Variants in GPM6A observed in about 807,000 individuals in gnomAD.
The protein encoded by GPM6A is neuronal membrane glycoprotein M6-a.
Under a neutral mutation model 32.1 loss-of-function variants are expected in GPM6A, and 7 were observed. The observed-to-expected ratio is 0.22, with a 90% CI of 0.12 to 0.41. The LOEUF is 0.41. Among genes scored for constraint, GPM6A ranks in the 10% least tolerant of loss-of-function variants. The probability of loss-of-function intolerance (pLI) is 1.00; values close to 1 mark genes in which losing one functional copy is unlikely to be tolerated. For missense variants in GPM6A, 235 were observed against 347.2 expected (o/e 0.68, Z 2.57); for synonymous variants, 130 against 123.4 (o/e 1.05, Z -0.35).
intron 3 of GPM6A, among the ~76,000 whole-genome samples, chr4:175,668,163 C>A (rs898220210): frequency 6.6e-6 from 1 of 151,870 alleles, no homozygotes; most frequent in Admixed American, 6.6e-5. Context: ...TTATTTATTT[C>A]TTCCTACAAT....
chr4:175,779,204 C>A (rs77527707), intron 1 of GPM6A, among the ~76,000 whole-genome samples: 3,071 of 152,244 alleles, frequency 0.02, 56 homozygotes, highest in Non-Finnish European at 0.031. Flanking sequence ...CACCATAGTG[C>A]CTGTTTAAAT....
chr4:175,734,185 C>T (rs1184015510), intron 1 of GPM6A, among the ~76,000 whole-genome samples: 1 of 149,622 alleles, frequency 6.7e-6, no homozygotes, highest in African/African-American at 2.5e-5. Context: ...CATCTGATTG[C>T]CAGTGCTGCT....
intron 1 of GPM6A, among the ~76,000 whole-genome samples, chr4:175,981,642 A>G (rs58869179): frequency 0.24 from 36,488 of 152,124 alleles, 6,248 homozygotes; most frequent in African/African-American, 0.49. Context: ...TGAAGGTCAC[A>G]GATTATTCCC....
At chr4:175,992,985 G>A (rs1434994441) in intron 1 of GPM6A, among the ~76,000 whole-genome samples, 1 of 152,084 alleles carries the variant, frequency 6.6e-6, no homozygotes, top group Non-Finnish European at 1.5e-5. Context: ...CTTGCTGAGG[G>A]ATTCTGCTAT....
chr4:175,666,723 A>G (rs989243470), intron 3 of GPM6A, among the ~76,000 whole-genome samples: 11 of 152,206 alleles, frequency 7.2e-5, no homozygotes, highest in Admixed American at 6.5e-4. Context: ...TTTTACAACC[A>G]TATTTTCCTT....
At chr4:175,845,163 T>C (rs1736051053) in intron 1 of GPM6A, among the ~76,000 whole-genome samples, 1 of 152,166 alleles carries the variant, frequency 6.6e-6, no homozygotes, top group Non-Finnish European at 1.5e-5. Context: ...TTTTATTAGT[T>C]AATTACAAAA....
chr4:175,653,440 G>T (rs1334618663), intron 3 of GPM6A, among the ~76,000 whole-genome samples: 1 of 151,958 alleles, frequency 6.6e-6, no homozygotes, highest in African/African-American at 2.4e-5. Context: ...AATAGTTGGG[G>T]TCAACATCTG....
chr4:175,710,235 T>G (rs929079548), intron 1 of GPM6A, among the ~76,000 whole-genome samples: 2 of 152,092 alleles, frequency 1.3e-5, no homozygotes, highest in African/African-American at 2.4e-5. Context: ...TTTGGGTAAA[T>G]TTTCCTATAT....
rs1408243788 is a variant in GPM6A, at chr4:175,780,332, G to A, written c.37+31859C>T. Among the ~76,000 whole-genome samples the A allele has an allele frequency of 2.0e-5, 3 of 152,148 alleles. No individual in the cohort carries two copies. The South Asian group carries it at 6.2e-4, about 32-fold the overall frequency. Reference sequence around the variant, plus strand: ...CAAAGTGCTGGGATTACAGGCATGAGCCACTATGCCAGGCCCAGGCATCAA... The same window carrying A: ...CAAAGTGCTGGGATTACAGGCATGAACCACTATGCCAGGCCCAGGCATCAA... On this transcript the variant is annotated intron_variant, in intron 1 of 6. Coordinates refer to ENST00000393658, the MANE Select transcript of GPM6A (RefSeq NM_201591.3).
chr4:175,991,357 T>C (rs1026546491), intron 1 of GPM6A, among the ~76,000 whole-genome samples: 2 of 151,808 alleles, frequency 1.3e-5, no homozygotes, highest in Non-Finnish European at 2.9e-5. Context: ...ATTACAGGCA[T>C]AGCCACTGCG....
At chr4:175,820,503 T>TTTC (rs1553992478) in intron 1 of GPM6A, among the ~76,000 whole-genome samples, 2 of 141,284 alleles carry the variant, frequency 1.4e-5, no homozygotes, top group Non-Finnish European at 3.1e-5. Context: ...TTTCTTTCTT[T>TTTC]TTTTTTTTTT....
chr4:175,692,219 T>C (rs1353808022), intron 2 of GPM6A, among the ~76,000 whole-genome samples: 3 of 152,156 alleles, frequency 2.0e-5, no homozygotes, highest in African/African-American at 7.2e-5. Flanking sequence ...TTATGTAATA[T>C]TTGTTCTCAG....
At chr4:175,907,346 T>C (rs1160557743) in intron 1 of GPM6A, 2 of 152,160 alleles carry the variant, frequency 1.3e-5, no homozygotes, top group Admixed American at 6.6e-5. Flanking sequence ...ACTCTCCTTG[T>C]CTCTCATTAA....
At chr4:175,655,802 AT>A (rs1413955678) in intron 3 of GPM6A, among the ~76,000 whole-genome samples, 1 of 152,054 alleles carries the variant, frequency 6.6e-6, no homozygotes, top group Non-Finnish European at 1.5e-5. Flanking sequence ...CACTTTTGTA[AT>A]TTGCGAGCTG....
chr4:175,748,368 G>A (rs918874026), intron 1 of GPM6A, among the ~76,000 whole-genome samples: 6 of 152,292 alleles, frequency 3.9e-5, no homozygotes, highest in Admixed American at 3.9e-4. Flanking sequence ...AATAAGGTTT[G>A]AAAGTTGAAA....
upstream of GPM6A, chr4:175,812,309 T>TTTTTTG: frequency 9.0e-7 from 1 of 1,111,156 alleles, no homozygotes; most frequent in Non-Finnish European, 1.1e-6. Context: ...GGGTTTTTTT[T>TTTTTTG]TTTTTTTTTT....
intron 1 of GPM6A, among the ~76,000 whole-genome samples, chr4:175,766,512 T>G (rs1041158267): frequency 3.3e-5 from 5 of 152,210 alleles, no homozygotes; most frequent in Non-Finnish European, 7.3e-5. Context: ...TTGCTTTTGT[T>G]GTTGTGCCTG....
intron 4 of GPM6A, among the ~76,000 whole-genome samples, chr4:175,643,723 G>A (rs573550243): frequency 2.8e-4 from 42 of 152,220 alleles, no homozygotes; most frequent in South Asian, 6.2e-4. Context: ...AGTCACAGCT[G>A]GCTCCTAATA....
chr4:175,886,832 G>A (rs143138244), intron 1 of GPM6A, among the ~76,000 whole-genome samples: 1 of 151,470 alleles, frequency 6.6e-6, no homozygotes, highest in Non-Finnish European at 1.5e-5. Flanking sequence ...GATTAAACTT[G>A]CTTCTAATTG....
Sources: allele counts gnomAD v4.1 joint callset (sites outside exome capture counted in the v4.1 genomes callset), GRCh38; gene constraint gnomAD v4.1.1; transcripts MANE v1.5; gene names NCBI Gene and HGNC (gene_info 2026-07-23, HGNC 2026-07-21).